The following ALPK2 variants were observed in gnomAD, a reference collection of about 807,000 sequenced individuals.
ALPK2 encodes the protein alpha kinase 2.
In ALPK2, 127 loss-of-function variants were observed where a neutral mutation model predicts 163.1. The ratio of observed to expected loss-of-function variants is 0.78; its 90% confidence interval spans 0.67 to 0.90. ALPK2 has a LOEUF of 0.90. ALPK2 is among the 40% of genes least tolerant of loss of function. ALPK2 has a pLI of 0.00. For synonymous variants in ALPK2, 953 were observed against 959.1 expected, an observed-to-expected ratio of 0.99 and a Z score of 0.12; for missense variants, 2,360 against 2,589.6, an observed-to-expected ratio of 0.91 and a Z score of 1.92.
At chr18:58,567,979 T>C (rs2051865272) in intron 4 of ALPK2, among the ~76,000 whole-genome samples, 1 of 152,134 alleles carries the variant, frequency 6.6e-6, no homozygotes, top group South Asian at 2.1e-4. Flanking sequence ...ATCTGAAAGA[T>C]CTCCAGCATC....
Position 58,579,169 on chromosome 18 carries a change from C to G in ALPK2, c.1607G>C (p.Arg536Thr). ...TCCCTTCATTCCCGGCTGCCTCACC[C>G]TGGCAGATTTCCTTGAACCCCTCTT... ...WSKRGSRKSA[R>T]VRQPGMKGNP... is the part of the protein sequence containing the mutation. The change falls in exon 4 of 13, where the codon AGG (arginine) becomes ACG (threonine). Residue 536 changes from arginine (R) to threonine (T), a missense_variant. By Grantham distance (71) the Arg-to-Thr change is moderately conservative. Transcript: ENST00000361673. 1 of 1,614,188 alleles carries G rather than the reference C, an allele frequency of 6.2e-7. No homozygotes were observed. The highest frequency in any genetic ancestry group is 1.3e-5 in the African/African-American group (1 of 75,046).
chr18:58,517,616 T>A (rs2051529184), intron 8 of ALPK2, among the ~76,000 whole-genome samples: 1 of 151,168 alleles, frequency 6.6e-6, no homozygotes, highest in South Asian at 2.2e-4. Context: ...ACGGAATCTT[T>A]GCTGGAATTT....
chr18:58,580,383 T>C lies in ALPK2; in HGVS notation c.393A>G (p.Thr131=). ...RDRGWKHETG[T]HEEERANQID... ...TCTGATTTGCCCTTTCTTCTTCATGTGTCCCTGTTTCATGTTTCCAACCCC... is the reference window on the plus strand; with the variant it reads ...TCTGATTTGCCCTTTCTTCTTCATGCGTCCCTGTTTCATGTTTCCAACCCC... Residue 131 remains threonine, a synonymous_variant, in exon 4 of 13, where the codon ACA becomes ACG. Coordinates refer to ENST00000361673, the MANE Select transcript of ALPK2 (RefSeq NM_052947.4). The C allele has an allele frequency of 6.2e-7, 1 of 1,614,196 alleles. No homozygotes were observed. Among genetic ancestry groups the C allele is most frequent in the Non-Finnish European group, 8.5e-7 (1 of 1,180,028 alleles).
At chr18:58,586,065 AT>A (rs555009386) in intron 3 of ALPK2, among the ~76,000 whole-genome samples, 76 of 152,326 alleles carry the variant, frequency 5.0e-4, no homozygotes, top group African/African-American at 1.7e-3. Flanking sequence ...AACTTGGCTC[AT>A]GATATCTTCC....
At chr18:58,500,043 C>T (rs1188436575) in intron 11 of ALPK2, among the ~76,000 whole-genome samples, 1 of 152,246 alleles carries the variant, frequency 6.6e-6, no homozygotes, top group Admixed American at 6.5e-5. Context: ...GTTAGGCAGA[C>T]AGAAGCCATG....
In ALPK2 at chr18:58,498,055, G is replaced by T; in HGVS notation, c.6290C>A (p.Ala2097Asp). The T allele has an allele frequency of 6.2e-7, 1 of 1,614,056 alleles. No individual in the cohort carries two copies. Among genetic ancestry groups the T allele is most frequent in the Non-Finnish European group, 8.5e-7 (1 of 1,179,948 alleles). The change falls in exon 12 of 13, where the codon GCT (alanine) becomes GAT (aspartate). Residue 2097 changes from alanine (A) to aspartate (D), a missense_variant. Physicochemically the swap from Ala to Asp is moderately radical, Grantham distance 126 (BLOSUM62 -2). Transcript: ENST00000361673. The stretch of plus-strand genomic sequence containing the variant: ...TCCATTTTTTCCTACTCACCCTTTA[G>T]CCAGCGTTGCTATGCCAACGTCAGT... ...KLTDVGIATL[A>D]KGYKGFKGNC... is the part of the protein sequence containing the mutation.
chr18:58,573,264 G>GTA (rs373512712), intron 4 of ALPK2, among the ~76,000 whole-genome samples: 1 of 28,612 alleles, frequency 3.5e-5, no homozygotes, highest in African/African-American at 9.7e-5. Flanking sequence ...GTATATATGT[G>GTA]TATATATATG....
intron 11 of ALPK2, among the ~76,000 whole-genome samples, chr18:58,500,155 T>C (rs2051424024): frequency 6.6e-6 from 1 of 151,692 alleles, no homozygotes; most frequent in East Asian, 1.9e-4. Context: ...GGTAACTAAT[T>C]CATCTCATTC....
chr18:58,494,232 T>A (rs1602184815), intron 12 of ALPK2, among the ~76,000 whole-genome samples: 2 of 152,200 alleles, frequency 1.3e-5, no homozygotes, highest in East Asian at 1.9e-4. Flanking sequence ...GTCAAAACAA[T>A]CTTACTTGCC....
chr18:58,491,599 C>T (rs751390299), intron 12 of ALPK2, among the ~76,000 whole-genome samples: 5 of 152,210 alleles, frequency 3.3e-5, no homozygotes, highest in Non-Finnish European at 7.3e-5. Flanking sequence ...TGACTCCCTA[C>T]GATTTCGTCT....
intron 1 of ALPK2, among the ~76,000 whole-genome samples, chr18:58,612,842 G>A (rs148296664): frequency 0.01 from 1,542 of 152,342 alleles, 14 homozygotes; most frequent in Middle Eastern, 0.041. Flanking sequence ...CTACACAGTA[G>A]CGTCCACTTC....
At chr18:58,568,563 G>T (rs529417462) in intron 4 of ALPK2, among the ~76,000 whole-genome samples, 87 of 152,254 alleles carry the variant, frequency 5.7e-4, no homozygotes, top group African/African-American at 2.0e-3. Flanking sequence ...AAGGACCTCC[G>T]GGGTGGGGCT....
At chr18:58,504,286 T>A in intron 10 of ALPK2, 138 bp from the exon 11 acceptor site, 1 of 669,660 alleles carries the variant, frequency 1.5e-6, no homozygotes, top group Non-Finnish European at 2.5e-6. Flanking sequence ...TACAAATCCA[T>A]CCAATGACTT....
chr18:58,504,199 AGGCT>A, intron 10 of ALPK2, 51 bp from the exon 11 acceptor site: 1 of 1,492,298 alleles, frequency 6.7e-7, no homozygotes, highest in South Asian at 1.2e-5. Flanking sequence ...CTGGGAAGAG[AGGCT>A]CCTGCGGCAT....
At chr18:58,553,857 T>G (rs57603003) in intron 4 of ALPK2, among the ~76,000 whole-genome samples, 3 of 72,014 alleles carry the variant, frequency 4.2e-5, no homozygotes, top group East Asian at 4.8e-4. Flanking sequence ...TTGGTTTTTT[T>G]TTTTTTTTTT....
At chr18:58,543,190 A>G (rs1233511105) in intron 4 of ALPK2, among the ~76,000 whole-genome samples, 2 of 152,204 alleles carry the variant, frequency 1.3e-5, no homozygotes, top group Non-Finnish European at 2.9e-5. Flanking sequence ...GACTCTGCAG[A>G]GAGTCCCCAG....
At position 58,572,626 on chromosome 18, in the gene ALPK2, C is replaced by T. The variant is rs376190263; in HGVS notation, c.1962+6188G>A. ...AAAAAAAAACTCAAAAACTTGTATA[C>T]TGTATGATTCCATTTATGTAACATG... is the stretch of plus-strand genomic sequence containing the variant. On this transcript the variant is annotated intron_variant, in intron 4 of 12. Coordinates refer to ENST00000361673, the MANE Select transcript of ALPK2 (RefSeq NM_052947.4). 6.6e-5 allele frequency among the ~76,000 whole-genome samples: 10 copies of T among 152,100 alleles called. No individual in the cohort carries two copies. In the East Asian group the frequency reaches 1.5e-3, roughly 23 times the overall value.
chr18:58,619,814 GA>G (rs2052188629), intron 1 of ALPK2, among the ~76,000 whole-genome samples: 1 of 152,188 alleles, frequency 6.6e-6, no homozygotes, highest in Non-Finnish European at 1.5e-5. Flanking sequence ...CAAGAGAAAT[GA>G]AAATGTATAT....
At chr18:58,554,337 A>G (rs988495336) in intron 4 of ALPK2, among the ~76,000 whole-genome samples, 1 of 152,118 alleles carries the variant, frequency 6.6e-6, no homozygotes, top group Non-Finnish European at 1.5e-5. Flanking sequence ...GAAATCTGCC[A>G]CTCTTGTCTC....
Sources: gnomAD v4.1 joint callset for allele counts (sites outside exome capture counted in the v4.1 genomes callset) on GRCh38, gnomAD v4.1.1 for gene constraint, MANE v1.5 for transcripts, NCBI Gene and HGNC (gene_info 2026-07-23, HGNC 2026-07-21) for gene names.